GALNTL6: variants seen among roughly 807,000 people sequenced by gnomAD.
The protein encoded by GALNTL6 is polypeptide N-acetylgalactosaminyltransferase like 6, also known as polypeptide N-acetylgalactosaminyltransferase-like 6.
Under a neutral mutation model 73.7 loss-of-function variants are expected in GALNTL6, and 46 were observed. The ratio of observed to expected loss-of-function variants is 0.62; its 90% CI spans 0.49 to 0.80. The LOEUF (loss-of-function observed/expected upper bound fraction) is 0.80. Among genes scored for constraint, GALNTL6 ranks in the 30% least tolerant of loss-of-function variants. GALNTL6 has a pLI of 0.00. For synonymous variants in GALNTL6, 259 were observed against 263.7 expected (o/e 0.98, Z 0.17); for missense variants, 604 against 755.0 (o/e 0.80, Z 2.34).
At chr4:172,134,988 T>C (rs1236827308) in intron 2 of GALNTL6, among the ~76,000 whole-genome samples, 1 of 152,158 alleles carries the variant, frequency 6.6e-6, no homozygotes, top group African/African-American at 2.4e-5. Flanking sequence ...GGCTGGACAA[T>C]GTAGTCTAGG....
At chr4:172,575,128 G>A (rs916857375) in intron 5 of GALNTL6, among the ~76,000 whole-genome samples, 9 of 152,144 alleles carry the variant, frequency 5.9e-5, no homozygotes, top group South Asian at 2.1e-4. Flanking sequence ...TAGCCTTGCC[G>A]ATACAACTCT....
chr4:172,885,692 T>G (rs1242432818), intron 8 of GALNTL6, among the ~76,000 whole-genome samples: 1 of 152,184 alleles, frequency 6.6e-6, no homozygotes, highest in Non-Finnish European at 1.5e-5. Context: ...TACATGTGGG[T>G]TTGTAATATA....
chr4:172,826,971 A>G lies in GALNTL6; in HGVS notation c.923+13248A>G, dbSNP rs559638657. Among the ~76,000 whole-genome samples, 20 of 152,230 alleles carry G rather than the reference A, an allele frequency of 1.3e-4. No individual in the cohort carries two copies. In the South Asian group the frequency reaches 3.9e-3, roughly 30 times the overall value. On this transcript the variant is annotated intron_variant, in intron 7 of 12. Transcript: ENST00000506823. ...TGGCATCTTGATCATGGGCCAAGTCACAGTGGGGGGCAGGTGTCATCTGAT... is the reference window on the plus strand; with the variant it reads ...TGGCATCTTGATCATGGGCCAAGTCGCAGTGGGGGGCAGGTGTCATCTGAT...
chr4:171,881,968 T>A (rs1736463734), intron 2 of GALNTL6, among the ~76,000 whole-genome samples: 1 of 152,250 alleles, frequency 6.6e-6, no homozygotes. Context: ...TTTCTTTGGT[T>A]AACACATCCC....
intron 10 of GALNTL6, among the ~76,000 whole-genome samples, chr4:172,997,392 GA>G (rs1206263627): frequency 6.6e-6 from 1 of 152,138 alleles, no homozygotes; most frequent in Non-Finnish European, 1.5e-5. Context: ...AAACGTGAAT[GA>G]AAACACAGCA....
chr4:172,475,436 G>GA (rs995190536), intron 5 of GALNTL6, among the ~76,000 whole-genome samples: 190 of 138,392 alleles, frequency 1.4e-3, no homozygotes, highest in South Asian at 2.0e-3. Context: ...AAGGTTGGCA[G>GA]AAAAAAAAAA....
chr4:172,687,278 G>C (rs150463795), intron 5 of GALNTL6, among the ~76,000 whole-genome samples: 304 of 152,132 alleles, frequency 2.0e-3, no homozygotes, highest in South Asian at 5.0e-3. Flanking sequence ...CAATATATTT[G>C]ATAAAAATGT....
At chr4:172,260,118 C>T (rs1428030094) in intron 3 of GALNTL6, among the ~76,000 whole-genome samples, 1 of 151,642 alleles carries the variant, frequency 6.6e-6, no homozygotes, top group African/African-American at 2.4e-5. Flanking sequence ...ATTGTTTTTT[C>T]TAGTTCTGTG....
chr4:171,959,804 G>A (rs1356237259), intron 2 of GALNTL6, among the ~76,000 whole-genome samples: 1 of 152,182 alleles, frequency 6.6e-6, no homozygotes, highest in East Asian at 1.9e-4. Context: ...CATTTAAGTG[G>A]AAATGAGTGA....
At chr4:172,863,835 G>T (rs1225509800) in intron 7 of GALNTL6, among the ~76,000 whole-genome samples, 1 of 152,146 alleles carries the variant, frequency 6.6e-6, no homozygotes, top group East Asian at 1.9e-4. Flanking sequence ...GAATTATATG[G>T]TTTGGCTGTG....
intron 2 of GALNTL6, among the ~76,000 whole-genome samples, chr4:171,880,408 A>T (rs775499397): frequency 1.3e-5 from 2 of 152,232 alleles, no homozygotes; most frequent in African/African-American, 2.4e-5. Flanking sequence ...TATGAATCAG[A>T]TGTTTGTTAT....
At chr4:172,260,661 T>C (rs1165903434) in intron 3 of GALNTL6, among the ~76,000 whole-genome samples, 1 of 151,592 alleles carries the variant, frequency 6.6e-6, no homozygotes, top group Non-Finnish European at 1.5e-5. Flanking sequence ...GTGGTGAAAG[T>C]GGGAATCCTT....
At position 172,819,745 on chromosome 4, in the gene GALNTL6, T is replaced by A. The variant is rs191094241; in HGVS notation, c.923+6022T>A. Among the ~76,000 whole-genome samples, 10 of 152,270 alleles carry A rather than the reference T, an allele frequency of 6.6e-5. No homozygotes were observed. In the East Asian group the frequency reaches 1.9e-3, roughly 29 times the overall value. On this transcript the variant is annotated intron_variant, in intron 7 of 12. Coordinates refer to ENST00000506823, the MANE Select transcript of GALNTL6 (RefSeq NM_001034845.3). ...ATGAGATGATTCAGGCTCATAGAGG[T>A]TAAGCAGTTTTCCTAAGTTTACACA...
At chr4:172,537,782 T>C (rs1245891809) in intron 5 of GALNTL6, among the ~76,000 whole-genome samples, 1 of 152,146 alleles carries the variant, frequency 6.6e-6, no homozygotes, top group East Asian at 1.9e-4. Context: ...GCCTAGAGAA[T>C]AATGGAAATC....
At chr4:172,091,523 CA>C (rs1732202345) in intron 2 of GALNTL6, among the ~76,000 whole-genome samples, 1 of 152,098 alleles carries the variant, frequency 6.6e-6, no homozygotes. Flanking sequence ...CAGTTTTTCC[CA>C]AGGAGATTTT....
chr4:172,912,880 AT>A (rs1747289629), intron 8 of GALNTL6, among the ~76,000 whole-genome samples: 1 of 152,198 alleles, frequency 6.6e-6, no homozygotes, highest in African/African-American at 2.4e-5. Flanking sequence ...TTCTCCCAGC[AT>A]GGAGTTTGAG....
At chr4:172,587,166 G>A (rs1207342253) in intron 5 of GALNTL6, among the ~76,000 whole-genome samples, 1 of 152,152 alleles carries the variant, frequency 6.6e-6, no homozygotes, top group Admixed American at 6.6e-5. Context: ...CTGTTCACCT[G>A]TTCTGGTTAG....
In GALNTL6 at chr4:172,891,437, C is replaced by T. The variant is rs545963180; in HGVS notation, c.1041+8530C>T. ...GCTTAGCTTGAGGGGATATAAAATT[C>T]TTGGTTGGAATTTTTTTATTTAAGA... On this transcript the variant is annotated intron_variant, in intron 8 of 12. Transcript: ENST00000506823. Among the ~76,000 whole-genome samples the T allele has an allele frequency of 2.6e-5, 4 of 152,166 alleles. No homozygotes were observed. The East Asian group carries it at 7.7e-4, about 29-fold the overall frequency.
At chr4:172,413,766 ATAAATT>A (rs1744527819) in intron 5 of GALNTL6, among the ~76,000 whole-genome samples, 1 of 151,946 alleles carries the variant, frequency 6.6e-6, no homozygotes, top group Non-Finnish European at 1.5e-5. Flanking sequence ...AAAGTGCTCA[ATAAATT>A]ACATGCATTA....
Sources: gnomAD v4.1 joint callset for allele counts (sites outside exome capture counted in the v4.1 genomes callset) on GRCh38, gnomAD v4.1.1 for gene constraint, MANE v1.5 for transcripts, NCBI Gene and HGNC (gene_info 2026-07-23, HGNC 2026-07-21) for gene names.